TENM2: variants seen among roughly 807,000 people sequenced by gnomAD.
The protein encoded by TENM2 is teneurin-2.
In TENM2, 52 loss-of-function variants were observed where a neutral mutation model predicts 245.2. The observed-to-expected ratio is 0.21, with a 90% CI of 0.17 to 0.27. TENM2 has a LOEUF of 0.27. Ranked by LOEUF, TENM2 falls within the 10% of genes least tolerant of loss-of-function variation. The pLI, the probability that TENM2 is intolerant of heterozygous loss-of-function variation, is 1.00. For missense variants in TENM2, 3,046 were observed against 3,666.8 expected (o/e 0.83, Z 4.37); for synonymous variants, 1,363 against 1,438.9 (o/e 0.95, Z 1.19).
rs184163096 is a variant in TENM2 at position 168,251,542 on chromosome 5, G to A, written c.7432+3171G>A. 1.7e-3 allele frequency among the ~76,000 whole-genome samples: 255 copies of A among 152,270 alleles called. 1 individual carries two copies. The highest frequency in any genetic ancestry group is 4.5e-3 in the African/African-American group (187 of 41,562). On this transcript the variant is annotated intron_variant, in intron 27 of 28. Coordinates refer to ENST00000518659, the Ensembl canonical transcript of TENM2. Reference sequence around the variant, plus strand: ...GCCGGACCAGGCACAGCCCACGCTCGGGCAGAGACCTGGGAGTGGGGATCC... The same window carrying A: ...GCCGGACCAGGCACAGCCCACGCTCAGGCAGAGACCTGGGAGTGGGGATCC...
At chr5:167,782,427 C>A (rs1175598417) in intron 2 of TENM2, among the ~76,000 whole-genome samples, 2 of 151,580 alleles carry the variant, frequency 1.3e-5, no homozygotes, top group African/African-American at 4.9e-5. Flanking sequence ...GCAAATCCTG[C>A]TTTAGATGGC....
intron 2 of TENM2, among the ~76,000 whole-genome samples, chr5:167,664,804 C>G (rs1423624021): frequency 6.6e-6 from 1 of 152,132 alleles, no homozygotes; most frequent in Non-Finnish European, 1.5e-5. Context: ...GATAGTTGCC[C>G]TTTGTGATAT....
intron 2 of TENM2, among the ~76,000 whole-genome samples, chr5:167,687,902 A>C (rs1173099508): frequency 2.6e-5 from 4 of 152,350 alleles, no homozygotes; most frequent in Admixed American, 2.6e-4. Context: ...AATCACTATC[A>C]ACATTGTGAG....
At chr5:167,119,881 A>G in the TENM2 span, among the ~76,000 whole-genome samples, 3 of 152,226 alleles carry the variant, frequency 2.0e-5, no homozygotes. Flanking sequence ...ATACAAGGTA[A>G]TGTGACAAGA....
Position 167,705,400 on chromosome 5 carries a change from C to T in TENM2, c.503-170586C>T, listed in dbSNP as rs371024176. Among the ~76,000 whole-genome samples, 6 of 152,212 alleles carry T rather than the reference C, an allele frequency of 3.9e-5. No homozygotes were observed. In the East Asian group the frequency reaches 1.2e-3, roughly 29 times the overall value. ...TGATAGAAACCTGAGTGTGCCTGCACCACCCACACACCCTGCCCAGCTTGG... is the reference window on the plus strand; with the variant it reads ...TGATAGAAACCTGAGTGTGCCTGCATCACCCACACACCCTGCCCAGCTTGG... On this transcript the variant is annotated intron_variant, in intron 2 of 28. Transcript: ENST00000518659.
intron 2 of TENM2, among the ~76,000 whole-genome samples, chr5:167,817,706 G>T (rs62382853): frequency 4.6e-5 from 7 of 152,200 alleles, no homozygotes; most frequent in African/African-American, 7.2e-5. Context: ...TATTAACGTA[G>T]AGAGGCTGGA....
the TENM2 span, among the ~76,000 whole-genome samples, chr5:167,160,551 C>G: frequency 6.6e-6 from 1 of 152,264 alleles, no homozygotes; most frequent in Non-Finnish European, 1.5e-5. Context: ...CTCTGGAATA[C>G]TTCGCTGACA....
chr5:168,191,968 G>A (rs1321898321), intron 14 of TENM2, among the ~76,000 whole-genome samples: 3 of 152,070 alleles, frequency 2.0e-5, no homozygotes, highest in Middle Eastern at 3.2e-3. Flanking sequence ...AACAACTTTT[G>A]CTTCTCTCTG....
chr5:167,210,608 C>A, the TENM2 span, among the ~76,000 whole-genome samples: 1 of 151,498 alleles, frequency 6.6e-6, no homozygotes, highest in African/African-American at 2.4e-5. Flanking sequence ...GGACTACAGG[C>A]GCCCGCCACC....
chr5:167,300,084 C>G (rs1755218977), intron 1 of TENM2, among the ~76,000 whole-genome samples: 1 of 152,194 alleles, frequency 6.6e-6, no homozygotes, highest in African/African-American at 2.4e-5. Flanking sequence ...GGGTGCGGTC[C>G]TGGCTCTTGT....
At chr5:167,533,047 A>G (rs1486675465) in intron 2 of TENM2, among the ~76,000 whole-genome samples, 1 of 152,142 alleles carries the variant, frequency 6.6e-6, no homozygotes, top group Non-Finnish European at 1.5e-5. Flanking sequence ...CCTGATTTGG[A>G]TGATTCAGGA....
intron 2 of TENM2, among the ~76,000 whole-genome samples, chr5:167,851,183 T>C (rs1770547053): frequency 6.6e-6 from 1 of 151,872 alleles, no homozygotes; most frequent in South Asian, 2.1e-4. Context: ...TGATGTGTGT[T>C]ATCATCTGGG....
chr5:167,598,564 T>G (rs1776380732), intron 2 of TENM2, among the ~76,000 whole-genome samples: 1 of 152,204 alleles, frequency 6.6e-6, no homozygotes, highest in African/African-American at 2.4e-5. Flanking sequence ...CTGTGCTTTA[T>G]TACGTGGGTG....
At chr5:167,883,380 G>A (rs73803257) in intron 3 of TENM2, among the ~76,000 whole-genome samples, 4,239 of 152,246 alleles carry the variant, frequency 0.028, 189 homozygotes, top group African/African-American at 0.095. Flanking sequence ...ACATGTGCAC[G>A]TGTGTGCACA....
At chr5:167,882,616 C>A (rs191989221) in intron 3 of TENM2, among the ~76,000 whole-genome samples, 1 of 152,180 alleles carries the variant, frequency 6.6e-6, no homozygotes, top group African/African-American at 2.4e-5. Context: ...AGGGGAAGAA[C>A]AGCACCTTCT....
intron 9 of TENM2, among the ~76,000 whole-genome samples, chr5:168,103,900 G>C (rs1431584617): frequency 6.6e-6 from 1 of 152,218 alleles, no homozygotes; most frequent in Non-Finnish European, 1.5e-5. Flanking sequence ...GAGGTAATTG[G>C]CTAGCAAGTG....
chr5:168,140,925 G>C (rs978186050), intron 12 of TENM2, among the ~76,000 whole-genome samples: 1 of 152,142 alleles, frequency 6.6e-6, no homozygotes, highest in Non-Finnish European at 1.5e-5. Context: ...CCAGGGACAA[G>C]AATCTTCTCT....
chr5:167,830,364 A>T (rs1768362284), intron 2 of TENM2, among the ~76,000 whole-genome samples: 1 of 152,168 alleles, frequency 6.6e-6, no homozygotes, highest in South Asian at 2.1e-4. Context: ...GAGCAGGCTC[A>T]TTTTTACTTA....
chr5:167,665,971 A>G (rs113295741), intron 2 of TENM2, among the ~76,000 whole-genome samples: 56 of 152,330 alleles, frequency 3.7e-4, no homozygotes, highest in African/African-American at 1.3e-3. Context: ...CTTCCACTTC[A>G]GTAACCTCTG....
Sources: gnomAD v4.1 joint callset for allele counts (sites outside exome capture counted in the v4.1 genomes callset) on GRCh38, gnomAD v4.1.1 for gene constraint, MANE v1.5 for transcripts, NCBI Gene and HGNC (gene_info 2026-07-23, HGNC 2026-07-21) for gene names.